SLTM: variants seen among roughly 807,000 people sequenced by gnomAD.
SLTM encodes the protein SAFB-like transcription modulator.
A neutral mutation model predicts 134.6 loss-of-function variants in SLTM; 43 were observed. The observed-to-expected ratio is 0.32, with a 90% confidence interval of 0.25 to 0.41. The LOEUF is 0.41. Among genes scored for constraint, SLTM ranks in the 10% least tolerant of loss-of-function variants. The probability of loss-of-function intolerance (pLI) is 1.00; values close to 1 mark genes in which losing one functional copy is unlikely to be tolerated. For synonymous variants in SLTM, 424 were observed against 432.3 expected (o/e 0.98, Z 0.24); for missense variants, 1,055 against 1,288.8 (o/e 0.82, Z 2.78).
intron 9 of SLTM, among the ~76,000 whole-genome samples, 164 bp from the exon 10 acceptor site, chr15:58,894,746 G>A (rs545388581): frequency 2.2e-5 from 3 of 137,150 alleles, no homozygotes; most frequent in East Asian, 2.2e-4. Context: ...ACTCTGTCAC[G>A]CAGGCTGGAG....
intron 2 of SLTM, among the ~76,000 whole-genome samples, chr15:58,920,776 T>G (rs1437425678): frequency 6.6e-6 from 1 of 151,834 alleles, no homozygotes; most frequent in Non-Finnish European, 1.5e-5. Context: ...GCCAACACAG[T>G]GAACCCATTC....
At chr15:58,883,457 G>T in intron 20 of SLTM, 169 bp downstream of exon 20, 1 of 790,636 alleles carries the variant, frequency 1.3e-6, no homozygotes, top group Non-Finnish European at 2.0e-6. Flanking sequence ...ATTAATATCA[G>T]CTGTTCTGCA....
At chr15:58,912,542 T>C (rs201882142) in intron 5 of SLTM, 21 bp downstream of exon 5, 7 of 1,606,206 alleles carry the variant, frequency 4.4e-6, no homozygotes, top group East Asian at 2.2e-5. Flanking sequence ...ATCGAATTCA[T>C]AGGACTAAAT....
chr15:58,917,897 G>A (rs1205460995), intron 2 of SLTM, among the ~76,000 whole-genome samples: 2 of 151,858 alleles, frequency 1.3e-5, no homozygotes, highest in South Asian at 2.1e-4. Context: ...TTACAGGCAC[G>A]AGGCACCATG....
chr15:58,907,756 T>C (rs2035967160), intron 5 of SLTM, among the ~76,000 whole-genome samples: 1 of 152,194 alleles, frequency 6.6e-6, no homozygotes, highest in Non-Finnish European at 1.5e-5. Context: ...GCACATATAC[T>C]ACATCAGAAT....
chr15:58,933,308 C>A (rs751880689), intron 1 of SLTM, 96 bp downstream of exon 1: 6 of 1,376,136 alleles, frequency 4.4e-6, no homozygotes, highest in East Asian at 3.0e-5. Context: ...CAGGTCCCAG[C>A]GGCTGCGGGC....
At chr15:58,880,492 C>T (rs1194242849) in intron 20 of SLTM, among the ~76,000 whole-genome samples, 2 of 152,180 alleles carry the variant, frequency 1.3e-5, no homozygotes, top group African/African-American at 4.8e-5. Context: ...ACCCCCATCT[C>T]AGACCACAGA....
intron 17 of SLTM, 131 bp downstream of exon 17, chr15:58,888,252 CAG>C (rs2034382982): frequency 2.9e-6 from 2 of 679,464 alleles, no homozygotes; most frequent in African/African-American, 3.7e-5. Flanking sequence ...TTCCCATTAA[CAG>C]AAACAAAAAC....
In SLTM at chr15:58,912,287, G is replaced by T. The variant is rs577777531; in HGVS notation, c.561+276C>A. Among the ~76,000 whole-genome samples the T allele has an allele frequency of 9.2e-5, 14 of 152,122 alleles. No individual in the cohort carries two copies. In the East Asian group the frequency reaches 1.4e-3, roughly 15 times the overall value. ...GCTAATTTTTTGTATTTTCAGTAGA[G>T]ACGGGGTTTCGCCATCTTAGCCAGG... On this transcript the variant is annotated intron_variant, in intron 5 of 20. Transcript: ENST00000380516.
chr15:58,888,880 A>G (rs1349532404), intron 16 of SLTM, among the ~76,000 whole-genome samples: 1 of 152,196 alleles, frequency 6.6e-6, no homozygotes, highest in Non-Finnish European at 1.5e-5. Flanking sequence ...CCACTTTATA[A>G]TAAAATTCTA....
At chr15:58,921,599 G>C in intron 2 of SLTM, 1 of 441,170 alleles carries the variant, frequency 2.3e-6, no homozygotes, top group Non-Finnish European at 4.6e-6. Flanking sequence ...AAAGACATTA[G>C]GACAAGATTG....
Position 58,894,153 on chromosome 15 carries a change from T to C in SLTM, c.1418A>G (p.Asn473Ser). 6.2e-7 allele frequency: 1 copy of C among 1,612,084 alleles called. No individual in the cohort carries two copies. Among genetic ancestry groups the C allele is most frequent in the Non-Finnish European group, 8.5e-7 (1 of 1,179,094 alleles). Residue 473 changes from asparagine (N) to serine (S), a missense_variant, in exon 11 of 21, where the codon AAT (asparagine) becomes AGT (serine). Asn to Ser is a conservative substitution (Grantham distance 46). This residue lies in a region of SLTM where 776 missense variants were observed against 962.2 expected (regional missense o/e 0.81). Transcript: ENST00000380516. ...ACTTCTTGAACTACTCTTTTCATCATTTTCTTTCTTCATTTCTTTCTTAGA... is the reference window on the plus strand; with the variant it reads ...ACTTCTTGAACTACTCTTTTCATCACTTTCTTTCTTCATTTCTTTCTTAGA... ...DPSKKEMKKE[N>S]DEKSSSRSSG... is the part of the protein sequence containing the mutation.
chr15:58,885,994 A>C (rs983335361), intron 19 of SLTM, among the ~76,000 whole-genome samples: 2 of 152,164 alleles, frequency 1.3e-5, no homozygotes, highest in African/African-American at 4.8e-5. Context: ...AAATGAGGCA[A>C]AAGGTTTTTG....
intron 5 of SLTM, among the ~76,000 whole-genome samples, chr15:58,910,370 G>C (rs185749171): frequency 6.6e-6 from 1 of 152,158 alleles, no homozygotes; most frequent in Non-Finnish European, 1.5e-5. Flanking sequence ...TATGTTTCTA[G>C]ATGTTCCACT....
At chr15:58,914,057 T>G (rs1360585862) in intron 3 of SLTM, among the ~76,000 whole-genome samples, 2 of 152,348 alleles carry the variant, frequency 1.3e-5, no homozygotes, top group Non-Finnish European at 2.9e-5. Flanking sequence ...CTTCAAAGAC[T>G]TCGGAAGTCT....
In SLTM at chr15:58,899,872, C is replaced by G; in HGVS notation, c.655G>C (p.Ala219Pro). 3 of 1,614,078 alleles carry G rather than the reference C, an allele frequency of 1.9e-6. No homozygotes were observed. The highest frequency in any genetic ancestry group is 1.7e-6 in the Non-Finnish European group (2 of 1,179,996). The change falls in exon 7 of 21, where the codon GCT becomes CCT. Residue 219 changes from alanine to proline, a missense_variant. By Grantham distance (27) the Ala-to-Pro change is conservative. Transcript: ENST00000380516. This position sits in a 1 kb window ranked among gnomAD's most constrained non-coding sequence, Gnocchi z 5.0. ...TCATGAGCTGTGTGATCAGCCTCAG[C>G]TAGGCTCCCTTCTGAAGGAAGAGGT... ...SKPLPSEGSL[A>P]EADHTAHEEM...
At chr15:58,909,728 T>C (rs540520403) in intron 5 of SLTM, among the ~76,000 whole-genome samples, 7 of 152,206 alleles carry the variant, frequency 4.6e-5, no homozygotes, top group Non-Finnish European at 7.3e-5. Flanking sequence ...AGCAAGCCTC[T>C]AGATGCTACA....
intron 2 of SLTM, among the ~76,000 whole-genome samples, chr15:58,926,424 G>A (rs1430360602): frequency 2.0e-5 from 3 of 152,080 alleles, no homozygotes; most frequent in Non-Finnish European, 4.4e-5. Flanking sequence ...AGATCAACAT[G>A]TGTTGTAATA....
At chr15:58,904,470 A>G (rs1230974122) in intron 5 of SLTM, among the ~76,000 whole-genome samples, 1 of 152,216 alleles carries the variant, frequency 6.6e-6, no homozygotes, top group African/African-American at 2.4e-5. Flanking sequence ...AAAATAGTCC[A>G]GAACAAGTAA....
Sources: allele counts gnomAD v4.1 joint callset (sites outside exome capture counted in the v4.1 genomes callset), GRCh38; gene constraint gnomAD v4.1.1; regional missense constraint gnomAD v4.1.1; non-coding constraint Gnocchi (gnomAD v3.1); transcripts MANE v1.5; gene names NCBI Gene and HGNC (gene_info 2026-07-23, HGNC 2026-07-21).